The following ZNF425 variants were observed in gnomAD, a reference collection of about 807,000 sequenced individuals.
The protein encoded by ZNF425 is zinc finger protein 425.
A neutral mutation model predicts 17.0 loss-of-function variants in ZNF425; 21 were observed. The observed-to-expected ratio is 1.23, with a 90% CI of 0.88 to 1.78. The LOEUF (loss-of-function observed/expected upper bound fraction) is 1.78. Among genes scored for constraint, ZNF425 ranks in the 40% most tolerant of loss-of-function variants. The probability of loss-of-function intolerance (pLI) is 0.00; values close to 1 mark genes in which losing one functional copy is unlikely to be tolerated. For missense variants in ZNF425, 868 were observed against 967.3 expected, an observed-to-expected ratio of 0.90 and a Z score of 1.36; for synonymous variants, 433 against 384.1, an observed-to-expected ratio of 1.13 and a Z score of -1.49.
chr7:149,125,261 A>G (rs1050164961), intron 1 of ZNF425, among the ~76,000 whole-genome samples: 1 of 152,234 alleles, frequency 6.6e-6, no homozygotes, highest in African/African-American at 2.4e-5. Context: ...AAACTTGCAC[A>G]CTTAAGCAAG....
intron 3 of ZNF425, among the ~76,000 whole-genome samples, chr7:149,109,324 T>G (rs139401911): frequency 0.045 from 6,805 of 151,964 alleles, 515 homozygotes; most frequent in African/African-American, 0.15. Flanking sequence ...TGATCCACCC[T>G]CCTCAGCCTC....
In ZNF425 at chr7:149,105,329, A is replaced by C. The variant is rs748624192; in HGVS notation, c.542T>G (p.Leu181Ter). The stretch of plus-strand genomic sequence containing the variant: ...GCATCTTGGCCCTGTGGGAATTTCT[A>C]AGCGCCCTGGGGTCTCCCGAGGCTT... ...RHKPRETPGR[L>*]EIPTGPRCYS... is the part of the protein sequence containing the mutation. Residue 181 changes from leucine to a stop codon, truncating the protein, a stop_gained, in exon 4 of 4, where the codon TTA (leucine) becomes TGA (stop). Transcript: ENST00000378061. LOFTEE classifies it low-confidence loss of function (END_TRUNC). The C allele has an allele frequency of 1.9e-5, 31 of 1,613,976 alleles. No homozygotes were observed. In the Admixed American group the frequency reaches 5.2e-4, roughly 27 times the overall value.
rs757412952 is a variant in ZNF425 at position 149,126,188 on chromosome 7, C to G, written c.18+8G>C. On this transcript the variant is annotated splice_region_variant and intron_variant, in intron 1 of 3. Coordinates refer to ENST00000378061, the MANE Select transcript of ZNF425 (RefSeq NM_001001661.3). The stretch of plus-strand genomic sequence containing the variant: ...ACAGAGCCTGCATCCTCCACCGGCC[C>G]TTCTTACCGAAGCCGGCTCGGCCAT... 1 of 1,613,280 alleles carries G rather than the reference C, an allele frequency of 6.2e-7. No individual in the cohort carries two copies. The highest frequency in any genetic ancestry group is 8.5e-7 in the Non-Finnish European group (1 of 1,179,688).
chr7:149,114,446 T>G (rs1462917529), intron 2 of ZNF425, among the ~76,000 whole-genome samples: 1 of 143,676 alleles, frequency 7.0e-6, no homozygotes, highest in Non-Finnish European at 1.5e-5. Context: ...ACAGTCTGGC[T>G]GGAGTGCAGT....
At position 149,105,410 on chromosome 7, in the gene ZNF425, A is replaced by G. The variant is rs1161694312; in HGVS notation, c.461T>C (p.Leu154Pro). 6.3e-7 allele frequency: 1 copy of G among 1,576,408 alleles called. No homozygotes were observed. The highest frequency in any genetic ancestry group is 8.6e-7 in the Non-Finnish European group (1 of 1,165,346). The change falls in exon 4 of 4, where the codon CTA (leucine) becomes CCA (proline). Residue 154 changes from leucine (L) to proline (P), a missense_variant. Coordinates refer to ENST00000378061, the MANE Select transcript of ZNF425 (RefSeq NM_001001661.3). ...TGCTGTGATGCTGACTTTTTTATTT[A>G]GAATCTCTGTTTCTCGGAGACTTGG... ...QSPSLRETEILNKKVSITAYD... is the reference protein window; with the variant it reads ...QSPSLRETEIPNKKVSITAYD...
At chr7:149,119,253 G>A (rs894224651) in intron 1 of ZNF425, among the ~76,000 whole-genome samples, 7 of 151,752 alleles carry the variant, frequency 4.6e-5, no homozygotes, top group Admixed American at 2.0e-4. Flanking sequence ...CTGGGATTAC[G>A]GGGTGTGCCA....
chr7:149,116,351 C>T (rs1467104900), intron 2 of ZNF425, among the ~76,000 whole-genome samples: 1 of 152,212 alleles, frequency 6.6e-6, no homozygotes, highest in Non-Finnish European at 1.5e-5. Context: ...CCCTAACCTT[C>T]CTCCTGTTAG....
intron 2 of ZNF425, among the ~76,000 whole-genome samples, chr7:149,114,035 C>T (rs1384005541): frequency 2.1e-5 from 3 of 144,016 alleles, no homozygotes; most frequent in Non-Finnish European, 4.6e-5. Flanking sequence ...AAAAAAAAGA[C>T]TGTTCAGTTT....
rs561117058 is a variant in ZNF425, at chr7:149,107,615, G to A, written c.305-2049C>T. ...GCTTCCCAAAGTGCTGGGATTACAGGCATAAGCCACCGCGCCTGGCCAAGA... is the reference window on the plus strand; with the variant it reads ...GCTTCCCAAAGTGCTGGGATTACAGACATAAGCCACCGCGCCTGGCCAAGA... On this transcript the variant is annotated intron_variant, in intron 3 of 3. Coordinates refer to ENST00000378061, the MANE Select transcript of ZNF425 (RefSeq NM_001001661.3). 2.6e-3 allele frequency among the ~76,000 whole-genome samples: 395 copies of A among 151,998 alleles called. 1 individual carries two copies. The highest frequency in any genetic ancestry group is 4.1e-3 in the Non-Finnish European group (278 of 68,012).
chr7:149,104,179 G>A lies in ZNF425; in HGVS notation c.1692C>T (p.Ser564=), dbSNP rs760725819. Residue 564 remains serine, a synonymous_variant, in exon 4 of 4, where the codon TCC becomes TCT. Transcript: ENST00000378061. This position sits in a 1 kb window ranked among gnomAD's most constrained non-coding sequence, Gnocchi z 4.3. ...GGTGGAACTTCATGGAGGCCTTCCA[G>A]GAGAAGCTCTTGTCGCACTCGGGAC... ...FQCPECDKSF[S]WKASMKFHQR... 6.2e-7 allele frequency: 1 copy of A among 1,613,508 alleles called. No homozygotes were observed. Among genetic ancestry groups the A allele is most frequent in the Non-Finnish European group, 8.5e-7 (1 of 1,179,760 alleles).
At chr7:149,124,530 TTG>T (rs1554458424) in intron 1 of ZNF425, among the ~76,000 whole-genome samples, 14 of 149,576 alleles carry the variant, frequency 9.4e-5, no homozygotes, top group Admixed American at 4.0e-4. Context: ...TATTTTTTTG[TTG>T]TTGTTGTTGT....
intron 3 of ZNF425, among the ~76,000 whole-genome samples, chr7:149,107,104 CAA>C (rs35268081): frequency 0.06 from 4,943 of 82,004 alleles, 276 homozygotes; most frequent in African/African-American, 0.17. Flanking sequence ...GAGACTGTCT[CAA>C]AAAAAAAAAA....
chr7:149,122,474 T>C (rs749594746), intron 1 of ZNF425, among the ~76,000 whole-genome samples: 2 of 152,072 alleles, frequency 1.3e-5, no homozygotes, highest in African/African-American at 2.4e-5. Context: ...TTGCAAATTT[T>C]GGCCCCAGTC....
At position 149,104,446 on chromosome 7, in the gene ZNF425, G is replaced by A. The variant is rs371337467; in HGVS notation, c.1425C>T (p.Cys475=). The change falls in exon 4 of 4, where the codon TGC becomes TGT. Residue 475 remains cysteine, a synonymous_variant. Coordinates refer to ENST00000378061, the MANE Select transcript of ZNF425 (RefSeq NM_001001661.3). The surrounding 1 kb of genome is among the most constrained non-coding windows in gnomAD (Gnocchi z 4.3). Reference sequence around the variant, plus strand: ...TGGAAGGCCGCGTGAAGCGCTTGCCGCACTCGGCGCAGGGGAAGGGCTTTT... The same window carrying A: ...TGGAAGGCCGCGTGAAGCGCTTGCCACACTCGGCGCAGGGGAAGGGCTTTT... ...SEQKPFPCAE[C]GKRFTRPSKL... The A allele has an allele frequency of 2.5e-6, 4 of 1,600,518 alleles. No homozygotes were observed. In the South Asian group the frequency reaches 3.4e-5, roughly 13 times the overall value.
intron 3 of ZNF425, among the ~76,000 whole-genome samples, chr7:149,109,629 A>G (rs1157799068): frequency 1.3e-5 from 2 of 152,162 alleles, no homozygotes; most frequent in African/African-American, 4.8e-5. Context: ...TTTATAGTTG[A>G]CTAATTCAAC....
intron 3 of ZNF425, among the ~76,000 whole-genome samples, chr7:149,110,823 C>T (rs1314650890): frequency 7.5e-6 from 1 of 133,374 alleles, no homozygotes; most frequent in East Asian, 2.4e-4. Flanking sequence ...GAGACGGAGT[C>T]CCACTCTGTC....
chr7:149,104,368 G>A lies in ZNF425; in HGVS notation c.1503C>T (p.Gly501=), dbSNP rs1349661993. 2 of 1,611,088 alleles carry A rather than the reference G, an allele frequency of 1.2e-6. No homozygotes were observed. The highest frequency in any genetic ancestry group is 1.7e-6 in the Non-Finnish European group (2 of 1,178,722). Residue 501 remains glycine (G), a synonymous_variant, in exon 4 of 4, where the codon GGC becomes GGT. Coordinates refer to ENST00000378061, the MANE Select transcript of ZNF425 (RefSeq NM_001001661.3). This position sits in a 1 kb window ranked among gnomAD's most constrained non-coding sequence, Gnocchi z 4.3. ...GCTGAGAAAAGGTCTTTTTGCACTC[G>A]CCGCAGGGAAACTCCTTCTGCCTGT... ...VHDRQKEFPC[G]ECKKTFSQQS... is the part of the protein sequence containing the mutation.
chr7:149,123,574 C>T (rs1239408902), intron 1 of ZNF425, among the ~76,000 whole-genome samples: 1 of 152,176 alleles, frequency 6.6e-6, no homozygotes, highest in Non-Finnish European at 1.5e-5. Flanking sequence ...GCTCTGTCCC[C>T]AGGCTGGAGT....
chr7:149,114,931 C>CTTTTTTTTTTTTTTTTTTTTTTT (rs35954198), intron 2 of ZNF425, among the ~76,000 whole-genome samples: 8 of 101,024 alleles, frequency 7.9e-5, no homozygotes, highest in Admixed American at 1.1e-4. Flanking sequence ...TCTTTCTTTT[C>CTTTTTTTTTTTTTTTTTTTTTTT]TTTTTTTTTT....
Sources: gnomAD v4.1 joint callset for allele counts (sites outside exome capture counted in the v4.1 genomes callset) on GRCh38, gnomAD v4.1.1 for gene constraint, Gnocchi (gnomAD v3.1) non-coding constraint, MANE v1.5 for transcripts, NCBI Gene and HGNC (gene_info 2026-07-23, HGNC 2026-07-21) for gene names.